Variants in USP32 observed in about 807,000 individuals in gnomAD.
The protein encoded by USP32 is ubiquitin specific peptidase 32, also known as ubiquitin carboxyl-terminal hydrolase 32.
USP32 carries 59 observed loss-of-function variants against 204.8 expected under a neutral mutation model. That is an observed-to-expected ratio of 0.29 (90% CI 0.23 to 0.36). The LOEUF (loss-of-function observed/expected upper bound fraction) is 0.36, where lower values mean the gene tolerates loss of function less well. Among genes scored for constraint, USP32 ranks in the 10% least tolerant of loss-of-function variants. USP32 has a pLI of 1.00. For missense variants in USP32, 1,160 were observed against 1,946.4 expected, an observed-to-expected ratio of 0.60 and a Z score of 7.60; for synonymous variants, 517 against 678.4, an observed-to-expected ratio of 0.76 and a Z score of 3.70.
chr17:60,417,109 G>A (rs2090067988), intron 1 of USP32, among the ~76,000 whole-genome samples: 1 of 152,042 alleles, frequency 6.6e-6, no homozygotes, highest in Non-Finnish European at 1.5e-5. Context: ...GTAGAGACTG[G>A]TTTTAACCGT....
At chr17:60,298,045 T>G (rs941742313) in intron 3 of USP32, among the ~76,000 whole-genome samples, 4 of 152,196 alleles carry the variant, frequency 2.6e-5, no homozygotes, top group Non-Finnish European at 5.9e-5. Context: ...TGTTTCACCT[T>G]TTGACTTATA....
chr17:60,354,259 T>G (rs1180320862), intron 1 of USP32, among the ~76,000 whole-genome samples: 2 of 152,224 alleles, frequency 1.3e-5, no homozygotes, highest in Non-Finnish European at 2.9e-5. Flanking sequence ...TTAAGTCTCT[T>G]GAGAGCAAAG....
At chr17:60,256,885 G>A in intron 9 of USP32, 1 of 506,498 alleles carries the variant, frequency 2.0e-6, no homozygotes, top group South Asian at 1.9e-5. Context: ...ATTCTCCAGA[G>A]TATCCAGGTC....
intron 5 of USP32, among the ~76,000 whole-genome samples, chr17:60,276,946 C>CATATATATATATATATAT (rs35211470): frequency 1.4e-4 from 19 of 140,738 alleles, no homozygotes; most frequent in African/African-American, 5.3e-4. Flanking sequence ...ATTACATATA[C>CATATATATATATATATAT]ATATATATAT....
intron 5 of USP32, among the ~76,000 whole-genome samples, chr17:60,288,113 C>CA (rs1045323566): frequency 0.075 from 2,205 of 29,368 alleles, 415 homozygotes; most frequent in Non-Finnish European, 0.13. Flanking sequence ...GACTTCGTCT[C>CA]AAAAAAAAAA....
chr17:60,244,029 G>GTTTTTTTTTTTTTTTTTTT (rs34842511), intron 11 of USP32, among the ~76,000 whole-genome samples: 9 of 71,692 alleles, frequency 1.3e-4, no homozygotes, highest in African/African-American at 5.6e-4. Context: ...GCTGGATTGT[G>GTTTTTTTTTTTTTTTTTTT]TTTTTTTTTT....
At chr17:60,217,685 G>A (rs2085138560) in intron 16 of USP32, among the ~76,000 whole-genome samples, 1 of 151,316 alleles carries the variant, frequency 6.6e-6, no homozygotes, top group African/African-American at 2.4e-5. Context: ...AATCAAGAAT[G>A]TTTCATAAAG....
chr17:60,296,652 C>T (rs1009492972), intron 3 of USP32, among the ~76,000 whole-genome samples: 1 of 152,142 alleles, frequency 6.6e-6, no homozygotes. Flanking sequence ...AATACAATCA[C>T]ATTTTAAAAA....
intron 2 of USP32, among the ~76,000 whole-genome samples, chr17:60,334,195 AGTT>A: frequency 6.6e-6 from 1 of 152,172 alleles, no homozygotes; most frequent in African/African-American, 2.4e-5. Flanking sequence ...TATATATTAC[AGTT>A]AATTTTATGC....
chr17:60,356,215 C>G (rs2089073402), intron 1 of USP32, among the ~76,000 whole-genome samples: 1 of 152,168 alleles, frequency 6.6e-6, no homozygotes, highest in South Asian at 2.1e-4. Context: ...TATAACTTCA[C>G]AGCTGCCTGA....
intron 9 of USP32, chr17:60,256,648 G>A (rs1210167251): frequency 9.7e-6 from 10 of 1,027,998 alleles, no homozygotes; most frequent in Non-Finnish European, 1.2e-5. Flanking sequence ...GTTAACAGGA[G>A]TGTCTAAATT....
chr17:60,385,149 CTT>C (rs2089708078), intron 1 of USP32, among the ~76,000 whole-genome samples: 1 of 152,206 alleles, frequency 6.6e-6, no homozygotes, highest in South Asian at 2.1e-4. Context: ...GAGCGATTAA[CTT>C]TGTGAAATTC....
At chr17:60,369,026 GCT>G (rs1220129734) in intron 1 of USP32, among the ~76,000 whole-genome samples, 2 of 99,580 alleles carry the variant, frequency 2.0e-5, no homozygotes, top group Non-Finnish European at 3.3e-5. Flanking sequence ...ACGGAGTCTC[GCT>G]CTGTCGCCCA....
At chr17:60,401,170 A>G (rs1319895120) in intron 1 of USP32, among the ~76,000 whole-genome samples, 3 of 151,656 alleles carry the variant, frequency 2.0e-5, no homozygotes, top group Admixed American at 6.6e-5. Context: ...TAAAAAAAAA[A>G]AAAGACCGGG....
At chr17:60,347,633 G>A (rs1007425138) in intron 1 of USP32, among the ~76,000 whole-genome samples, 2 of 149,174 alleles carry the variant, frequency 1.3e-5, no homozygotes, top group Non-Finnish European at 3.0e-5. Flanking sequence ...GATTACAGGC[G>A]TGAGCCACCG....
chr17:60,381,119 A>G (rs1357015659), intron 1 of USP32, among the ~76,000 whole-genome samples: 1 of 152,208 alleles, frequency 6.6e-6, no homozygotes, highest in Non-Finnish European at 1.5e-5. Context: ...GCACAGCAGC[A>G]CTAGGTAGTC....
chr17:60,273,584 T>C (rs187810750), intron 5 of USP32, among the ~76,000 whole-genome samples: 11 of 152,158 alleles, frequency 7.2e-5, no homozygotes, highest in Non-Finnish European at 1.6e-4. Flanking sequence ...GATGCTCAGA[T>C]ACGTAACATC....
At chr17:60,245,880 A>C (rs1220723973) in intron 11 of USP32, among the ~76,000 whole-genome samples, 1 of 151,356 alleles carries the variant, frequency 6.6e-6, no homozygotes, top group Non-Finnish European at 1.5e-5. Flanking sequence ...AAAGCTTTAA[A>C]AATATTTCTA....
intron 11 of USP32, chr17:60,245,346 T>C (rs2085990192): frequency 1.3e-5 from 5 of 382,998 alleles, no homozygotes; most frequent in African/African-American, 2.2e-5. Context: ...CCAGCTGGGC[T>C]GCTCTTTCCA....
Sources: allele counts gnomAD v4.1 joint callset (sites outside exome capture counted in the v4.1 genomes callset), GRCh38; gene constraint gnomAD v4.1.1; transcripts MANE v1.5; gene names NCBI Gene and HGNC (gene_info 2026-07-23, HGNC 2026-07-21).